Variants in EYS observed in about 807,000 individuals in gnomAD.
EYS encodes protein eyes shut homolog.
A neutral mutation model predicts 282.1 loss-of-function variants in EYS; 250 were observed. The ratio of observed to expected loss-of-function variants is 0.89; its 90% CI spans 0.80 to 0.98. The LOEUF (loss-of-function observed/expected upper bound fraction) is 0.98. Among genes scored for constraint, EYS ranks in the 50% least tolerant of loss-of-function variants. EYS has a pLI of 0.00. For missense variants in EYS, 4,016 were observed against 3,709.0 expected (o/e 1.08, Z -2.15); for synonymous variants, 1,355 against 1,282.9 (o/e 1.06, Z -1.20).
intron 33 of EYS, among the ~76,000 whole-genome samples, chr6:64,036,515 A>T (rs1441354487): frequency 6.6e-6 from 1 of 152,240 alleles, no homozygotes; most frequent in African/African-American, 2.4e-5. Flanking sequence ...TCTTAATCTT[A>T]TGGAAGATGG....
At chr6:64,142,795 G>A (rs1417979285) in intron 31 of EYS, among the ~76,000 whole-genome samples, 1 of 152,142 alleles carries the variant, frequency 6.6e-6, no homozygotes, top group African/African-American at 2.4e-5. Context: ...GGTATGGGAA[G>A]GCAGTAGAAG....
intron 11 of EYS, 51 bp downstream of exon 11, chr6:65,334,929 A>G: frequency 6.5e-7 from 1 of 1,532,972 alleles, no homozygotes; most frequent in Non-Finnish European, 9.0e-7. Flanking sequence ...TATCAATTTA[A>G]TTATAACTTT....
At chr6:64,537,787 ACTTATT>A (rs1764573543) in intron 26 of EYS, among the ~76,000 whole-genome samples, 1 of 152,186 alleles carries the variant, frequency 6.6e-6, no homozygotes. Flanking sequence ...TTTGTGATAG[ACTTATT>A]CTTTTGTTCT....
At chr6:65,423,788 T>C (rs1166438449) in intron 5 of EYS, among the ~76,000 whole-genome samples, 1 of 151,992 alleles carries the variant, frequency 6.6e-6, no homozygotes, top group Non-Finnish European at 1.5e-5. Flanking sequence ...TCTTTCATAA[T>C]ATTTTCCTGA....
At chr6:64,071,347 C>T (rs542558962) in intron 32 of EYS, among the ~76,000 whole-genome samples, 15 of 151,962 alleles carry the variant, frequency 9.9e-5, no homozygotes, top group Admixed American at 3.9e-4. Context: ...TGATTCCTGA[C>T]TATACTAATG....
intron 31 of EYS, among the ~76,000 whole-genome samples, chr6:64,143,664 G>C (rs904293167): frequency 3.9e-5 from 6 of 152,132 alleles, no homozygotes; most frequent in African/African-American, 1.4e-4. Flanking sequence ...CCTGTCCCCA[G>C]CTCCTGGGCA....
chr6:64,421,380 A>C (rs72889636), intron 28 of EYS, among the ~76,000 whole-genome samples: 41,949 of 151,842 alleles, frequency 0.28, 5,865 homozygotes, highest in East Asian at 0.46. Context: ...ATGAGACCTA[A>C]AATTCAAGAT....
chr6:64,767,638 G>C (rs1464697209), intron 22 of EYS, among the ~76,000 whole-genome samples: 1 of 152,042 alleles, frequency 6.6e-6, no homozygotes, highest in South Asian at 2.1e-4. Flanking sequence ...TGGCTAAATA[G>C]TATTTAATTG....
chr6:65,261,766 T>C (rs1381325288), intron 12 of EYS, among the ~76,000 whole-genome samples: 1 of 152,082 alleles, frequency 6.6e-6, no homozygotes, highest in Non-Finnish European at 1.5e-5. Context: ...ATTTTAACTG[T>C]ATTTTTTCTT....
intron 39 of EYS, among the ~76,000 whole-genome samples, chr6:63,780,457 G>A (rs1361900054): frequency 6.6e-6 from 1 of 152,116 alleles, no homozygotes; most frequent in African/African-American, 2.4e-5. Context: ...ATGTGAGATG[G>A]TATCTCATTG....
intron 5 of EYS, among the ~76,000 whole-genome samples, chr6:65,463,676 T>C (rs1007035784): frequency 6.6e-6 from 1 of 152,160 alleles, no homozygotes; most frequent in Non-Finnish European, 1.5e-5. Flanking sequence ...GTATGGTTTG[T>C]CTCCTTAAAA....
intron 29 of EYS, among the ~76,000 whole-genome samples, chr6:64,380,530 C>A (rs1377740771): frequency 1.3e-5 from 2 of 152,070 alleles, no homozygotes; most frequent in Non-Finnish European, 2.9e-5. Flanking sequence ...GATACAATTT[C>A]CTCATATTTA....
In EYS at chr6:65,330,855, GTATAAGGTTGTAATCCAGTT is replaced by G. The variant is rs1197840424; in HGVS notation, c.1766+4105_1766+4124del. Reference sequence around the variant, plus strand: ...CATTTAGAGTCTACTTCTATATAAGGTATAAGGTTGTAATCCAGTTTCATTTAAGGTCTTATTATGAGCCA... The same window carrying G: ...CATTTAGAGTCTACTTCTATATAAGGTCATTTAAGGTCTTATTATGAGCCA... On this transcript the variant is annotated intron_variant, in intron 11 of 42. Coordinates refer to ENST00000503581, the MANE Select transcript of EYS (RefSeq NM_001142800.2). The G allele has an allele frequency of 3.2e-5, 30 of 938,196 alleles. No individual in the cohort carries two copies. In the African/African-American group the frequency reaches 4.6e-4, roughly 14 times the overall value. 58.1% of individuals were successfully genotyped at this position (938,196 alleles called of 1,614,324 possible).
intron 22 of EYS, among the ~76,000 whole-genome samples, chr6:64,787,445 A>T (rs551786328): frequency 3.9e-5 from 6 of 152,042 alleles, no homozygotes; most frequent in East Asian, 3.9e-4. Context: ...TATTATTTTT[A>T]AAAACTTTGT....
At chr6:65,606,505 G>A (rs1260938091) in intron 2 of EYS, among the ~76,000 whole-genome samples, 1 of 151,690 alleles carries the variant, frequency 6.6e-6, no homozygotes, top group Non-Finnish European at 1.5e-5. Flanking sequence ...TGAGTTCAAA[G>A]AAGAAATGAA....
chr6:64,083,831 G>A (rs1206794665), intron 31 of EYS, among the ~76,000 whole-genome samples: 3 of 152,098 alleles, frequency 2.0e-5, no homozygotes, highest in Non-Finnish European at 2.9e-5. Context: ...TCCACCTCCC[G>A]GCTTCAAGCG....
chr6:64,275,383 A>T (rs1353227659), intron 30 of EYS, among the ~76,000 whole-genome samples: 1 of 151,782 alleles, frequency 6.6e-6, no homozygotes, highest in East Asian at 1.9e-4. Context: ...TTCAACCTCT[A>T]TTCTAGATTA....
chr6:65,483,677 T>C (rs1765681697), intron 5 of EYS, among the ~76,000 whole-genome samples: 1 of 152,054 alleles, frequency 6.6e-6, no homozygotes, highest in Non-Finnish European at 1.5e-5. Flanking sequence ...ATGTATCAAA[T>C]AAAGAGATAG....
chr6:65,180,903 C>T (rs1167204991), intron 12 of EYS, among the ~76,000 whole-genome samples: 1 of 152,086 alleles, frequency 6.6e-6, no homozygotes, highest in Admixed American at 6.6e-5. Context: ...AATAATGCTG[C>T]ATATCTACAA....
Sources: allele counts gnomAD v4.1 joint callset (sites outside exome capture counted in the v4.1 genomes callset), GRCh38; gene constraint gnomAD v4.1.1; transcripts MANE v1.5; gene names NCBI Gene and HGNC (gene_info 2026-07-23, HGNC 2026-07-21).